GALNTL6: variants seen among roughly 807,000 people sequenced by gnomAD.
GALNTL6 encodes the protein polypeptide N-acetylgalactosaminyltransferase like 6, also known as polypeptide N-acetylgalactosaminyltransferase-like 6.
A neutral mutation model predicts 73.7 loss-of-function variants in GALNTL6; 46 were observed. That is an observed-to-expected ratio of 0.62 (90% CI 0.49 to 0.80). The LOEUF (loss-of-function observed/expected upper bound fraction) is 0.80, where lower values mean the gene tolerates loss of function less well. Ranked by LOEUF, GALNTL6 falls within the 30% of genes least tolerant of loss-of-function variation. The pLI is 0.00. For synonymous variants in GALNTL6, 259 were observed against 263.7 expected, an observed-to-expected ratio of 0.98 and a Z score of 0.17; for missense variants, 604 against 755.0, an observed-to-expected ratio of 0.80 and a Z score of 2.34.
chr4:172,239,716 G>C (rs986127751), intron 3 of GALNTL6, among the ~76,000 whole-genome samples: 1 of 152,056 alleles, frequency 6.6e-6, no homozygotes, highest in Admixed American at 6.6e-5. Flanking sequence ...TTTTATGTGG[G>C]TGTTTAGTGT....
chr4:171,836,992 G>C (rs1265929736), intron 2 of GALNTL6, among the ~76,000 whole-genome samples: 1 of 152,036 alleles, frequency 6.6e-6, no homozygotes, highest in Non-Finnish European at 1.5e-5. Flanking sequence ...ATGTAAATGT[G>C]TGCATATAAA....
chr4:172,209,446 A>C (rs2110922444), intron 2 of GALNTL6, among the ~76,000 whole-genome samples: 1 of 39,798 alleles, frequency 2.5e-5, no homozygotes, highest in African/African-American at 4.6e-5. Flanking sequence ...CTCTGGTCAA[A>C]AAAAAAAAAA....
rs1240790100 is a variant in GALNTL6, at chr4:172,929,988, C to T, written c.1042-1173C>T. The stretch of plus-strand genomic sequence containing the variant: ...TTTGTTACTAAATATAAAAGTACAG[C>T]ATCTAGGGCCAGGTGCGGTGGCTCA... On this transcript the variant is annotated intron_variant, in intron 8 of 12. Coordinates refer to ENST00000506823, the MANE Select transcript of GALNTL6 (RefSeq NM_001034845.3). 5.3e-5 allele frequency among the ~76,000 whole-genome samples: 8 copies of T among 152,206 alleles called. No individual in the cohort carries two copies. In the South Asian group the frequency reaches 1.2e-3, roughly 24 times the overall value.
chr4:172,537,977 C>T (rs1371790025), intron 5 of GALNTL6, among the ~76,000 whole-genome samples: 1 of 152,010 alleles, frequency 6.6e-6, no homozygotes, highest in Non-Finnish European at 1.5e-5. Flanking sequence ...TAGTCACCTC[C>T]CCAAGACTGT....
At chr4:172,473,682 T>C (rs1018680481) in intron 5 of GALNTL6, among the ~76,000 whole-genome samples, 6 of 152,208 alleles carry the variant, frequency 3.9e-5, no homozygotes, top group Admixed American at 1.3e-4. Flanking sequence ...TGGCCTCTTT[T>C]GCTACTCTTT....
intron 2 of GALNTL6, among the ~76,000 whole-genome samples, chr4:171,922,481 G>A (rs1287841623): frequency 6.6e-6 from 1 of 151,696 alleles, no homozygotes; most frequent in Non-Finnish European, 1.5e-5. Flanking sequence ...ATCACTAAAT[G>A]TACTGGATAA....
At chr4:171,826,912 A>T (rs1480142131) in intron 2 of GALNTL6, among the ~76,000 whole-genome samples, 2 of 152,128 alleles carry the variant, frequency 1.3e-5, no homozygotes. Context: ...CATACCACGT[A>T]CATTTACCAG....
intron 5 of GALNTL6, among the ~76,000 whole-genome samples, chr4:172,686,130 C>T (rs946231691): frequency 6.6e-6 from 1 of 152,182 alleles, no homozygotes; most frequent in African/African-American, 2.4e-5. Flanking sequence ...ATGCAGAAAG[C>T]TTAGGGGAAT....
chr4:172,782,433 G>C (rs1739418206), intron 5 of GALNTL6, among the ~76,000 whole-genome samples: 1 of 152,092 alleles, frequency 6.6e-6, no homozygotes, highest in Non-Finnish European at 1.5e-5. Flanking sequence ...AACTTATGAT[G>C]TTATCAGGAA....
chr4:172,376,697 T>C (rs1232033965), intron 5 of GALNTL6, among the ~76,000 whole-genome samples: 1 of 152,086 alleles, frequency 6.6e-6, no homozygotes, highest in East Asian at 1.9e-4. Flanking sequence ...GGTGATGGTC[T>C]CACCGCTTGG....
At chr4:172,802,871 TAAGTA>T (rs1740733073) in intron 5 of GALNTL6, among the ~76,000 whole-genome samples, 1 of 136,014 alleles carries the variant, frequency 7.4e-6, no homozygotes, top group Non-Finnish European at 1.5e-5. Context: ...CTATCTAGAT[TAAGTA>T]AATTTACTGA....
At chr4:172,427,407 A>G (rs1731272708) in intron 5 of GALNTL6, among the ~76,000 whole-genome samples, 1 of 152,106 alleles carries the variant, frequency 6.6e-6, no homozygotes, top group African/African-American at 2.4e-5. Flanking sequence ...AGACCTGCCC[A>G]GATGATTCAA....
At chr4:172,486,508 T>C (rs934878452) in intron 5 of GALNTL6, among the ~76,000 whole-genome samples, 1 of 152,142 alleles carries the variant, frequency 6.6e-6, no homozygotes, top group Non-Finnish European at 1.5e-5. Flanking sequence ...TTGTCTTGAG[T>C]GGAAGGATAA....
intron 2 of GALNTL6, among the ~76,000 whole-genome samples, chr4:172,202,854 A>G (rs1196928730): frequency 1.3e-5 from 2 of 152,246 alleles, no homozygotes; most frequent in African/African-American, 4.8e-5. Context: ...TTTCTACATG[A>G]AAGTTATTTA....
chr4:172,471,109 G>A (rs1733028141), intron 5 of GALNTL6, among the ~76,000 whole-genome samples: 1 of 152,166 alleles, frequency 6.6e-6, no homozygotes, highest in Admixed American at 6.5e-5. Flanking sequence ...AAGTTTTCCT[G>A]ATTCCTACCC....
rs1309691083 is a variant in GALNTL6 at position 172,809,555 on chromosome 4, A to G, written c.739+9A>G. The G allele has an allele frequency of 6.2e-7, 1 of 1,602,304 alleles. No individual in the cohort carries two copies. Among genetic ancestry groups the G allele is most frequent in the South Asian group, 1.1e-5 (1 of 89,250 alleles). On this transcript the variant is annotated intron_variant, in intron 6 of 12. Transcript: ENST00000506823. The surrounding 1 kb of genome is among the most constrained non-coding windows in gnomAD (Gnocchi z 4.4). Reference sequence around the variant, plus strand: ...GCTGCCCCCACTCCTCAGTGAGTACAGGTTGCTAAGCACCATCCTGGGATG... The same window carrying G: ...GCTGCCCCCACTCCTCAGTGAGTACGGGTTGCTAAGCACCATCCTGGGATG...
At chr4:173,018,297 G>A (rs1285826195) in intron 11 of GALNTL6, among the ~76,000 whole-genome samples, 2 of 152,086 alleles carry the variant, frequency 1.3e-5, no homozygotes, top group Non-Finnish European at 2.9e-5. Flanking sequence ...CAAAATATAA[G>A]CATTATCATT....
At chr4:172,327,702 C>T (rs756967161) in intron 4 of GALNTL6, among the ~76,000 whole-genome samples, 5 of 152,008 alleles carry the variant, frequency 3.3e-5, no homozygotes, top group East Asian at 3.9e-4. Flanking sequence ...GTCTAAAATT[C>T]GCATTGCCAC....
At chr4:172,998,541 TCAC>T (rs1236016772) in intron 10 of GALNTL6, among the ~76,000 whole-genome samples, 2 of 152,188 alleles carry the variant, frequency 1.3e-5, no homozygotes, top group Admixed American at 1.3e-4. Context: ...TTGACTCTGT[TCAC>T]CTTCCATTTT....
Sources: gnomAD v4.1 joint callset for allele counts (sites outside exome capture counted in the v4.1 genomes callset) on GRCh38, gnomAD v4.1.1 for gene constraint, Gnocchi (gnomAD v3.1) non-coding constraint, MANE v1.5 for transcripts, NCBI Gene and HGNC (gene_info 2026-07-23, HGNC 2026-07-21) for gene names.